Variants in KRT79 observed in about 807,000 individuals in gnomAD.
The protein encoded by KRT79 is keratin 79.
Under a neutral mutation model 49.0 loss-of-function variants are expected in KRT79, and 51 were observed. The ratio of observed to expected loss-of-function variants is 1.04; its 90% CI spans 0.83 to 1.31. KRT79 has a LOEUF of 1.31. Among genes scored for constraint, KRT79 ranks in the 40% most tolerant of loss-of-function variants. The pLI is 0.00. For missense variants in KRT79, 728 were observed against 688.0 expected, an observed-to-expected ratio of 1.06 and a Z score of -0.65; for synonymous variants, 312 against 286.6, an observed-to-expected ratio of 1.09 and a Z score of -0.90.
At chr12:52,832,259 C>A (rs1253895776) in intron 1 of KRT79, among the ~76,000 whole-genome samples, 1 of 152,146 alleles carries the variant, frequency 6.6e-6, no homozygotes, top group East Asian at 1.9e-4. Flanking sequence ...CAGAGCAAGA[C>A]CCTGTCTCAA....
chr12:52,832,442 G>A lies in KRT79; in HGVS notation c.478-816C>T, dbSNP rs554644551. On this transcript the variant is annotated intron_variant, in intron 1 of 8. Coordinates refer to ENST00000330553, the MANE Select transcript of KRT79 (RefSeq NM_175834.3). Reference sequence around the variant, plus strand: ...TCTATAGACTCAGAAGGAGGCTTACGGTGTGGGTTTAACAGGACCCCCGAG... The same window carrying A: ...TCTATAGACTCAGAAGGAGGCTTACAGTGTGGGTTTAACAGGACCCCCGAG... Among the ~76,000 whole-genome samples the A allele has an allele frequency of 3.3e-5, 5 of 151,434 alleles. No homozygotes were observed. The South Asian group carries it at 8.4e-4, about 26-fold the overall frequency.
Position 52,821,629 on chromosome 12 carries a change from AGTC to A in KRT79, c.*240_*242del. ...CTCGGTGGTCAAAAGGTCACCCCCA[AGTC>A]ACCCAAGCACATCACTCAAGCTGGC... is the stretch of plus-strand genomic sequence containing the variant. On this transcript the variant is annotated 3_prime_UTR_variant, in exon 9 of 9. Transcript: ENST00000330553. 8.2e-5 allele frequency: 44 copies of A among 536,486 alleles called. No individual in the cohort carries two copies. Among genetic ancestry groups the A allele is most frequent in the African/African-American group, 9.9e-5 (5 of 50,504 alleles). The allele number at this position is 536,486 out of a possible 1,614,324, so 33.2% of individuals were successfully genotyped here.
rs747060776 is a variant in KRT79, at chr12:52,821,871, G to A, written c.*1C>T. On this transcript the variant is annotated 3_prime_UTR_variant, in exon 9 of 9. Transcript: ENST00000330553. ...GCAGGGGCCCTTGCAGGGCTCAGCA[G>A]CTAATACCTCTGGCTGGACGTCTTG... 1 of 1,613,496 alleles carries A rather than the reference G, an allele frequency of 6.2e-7. No homozygotes were observed. The highest frequency in any genetic ancestry group is 8.5e-7 in the Non-Finnish European group (1 of 1,179,826).
intron 2 of KRT79, 130 bp from the exon 3 acceptor site, chr12:52,830,422 A>T: frequency 2.8e-6 from 2 of 702,984 alleles, no homozygotes; most frequent in Non-Finnish European, 5.0e-6. Context: ...GCAGTTCTTT[A>T]ATGTAGCCAA....
chr12:52,833,860 T>C lies in KRT79; in HGVS notation c.401A>G (p.Glu134Gly), dbSNP rs779390202. The C allele has an allele frequency of 1.2e-5, 20 of 1,613,822 alleles. No individual in the cohort carries two copies. In the Admixed American group the frequency reaches 1.8e-4, roughly 15 times the overall value. ...CTCCTGAGTGCGCACTCGCTGGATC[T>C]CGGGGTCAATCTCCACATGGAGGGG... is the stretch of plus-strand genomic sequence containing the variant. ...LTPLHVEIDP[E>G]IQRVRTQERE... The change falls in exon 1 of 9, where the codon GAG becomes GGG. Residue 134 changes from glutamate to glycine, a missense_variant. Physicochemically the swap from Glu to Gly is moderately conservative, Grantham distance 98. Transcript: ENST00000330553.
chr12:52,827,754 C>T lies in KRT79; in HGVS notation c.855+2269G>A, dbSNP rs141037893. Among the ~76,000 whole-genome samples the T allele has an allele frequency of 5.5e-4, 84 of 152,318 alleles. 2 individuals carry two copies. The highest frequency in any genetic ancestry group is 1.9e-3 in the African/African-American group (77 of 41,566). On this transcript the variant is annotated intron_variant, in intron 4 of 8. Coordinates refer to ENST00000330553, the MANE Select transcript of KRT79 (RefSeq NM_175834.3). Reference sequence around the variant, plus strand: ...TACAGAAGATCCAGGAAAGGCCAATCGCTCAGCTGCTTTGTCATTTGCCTC... The same window carrying T: ...TACAGAAGATCCAGGAAAGGCCAATTGCTCAGCTGCTTTGTCATTTGCCTC...
In KRT79 at chr12:52,821,807, G is replaced by A. The variant is rs1565688621; in HGVS notation, c.*65C>T. 10 of 1,442,738 alleles carry A rather than the reference G, an allele frequency of 6.9e-6. No homozygotes were observed. The Admixed American group carries it at 9.1e-5, about 13-fold the overall frequency. The allele number at this position is 1,442,738 out of a possible 1,614,324, so 89.4% of individuals were successfully genotyped here. A position where few individuals can be genotyped will look rare whatever the true frequency, so the allele number is the denominator to read the frequency against. On this transcript the variant is annotated 3_prime_UTR_variant, in exon 9 of 9. Transcript: ENST00000330553. ...CCTGCTCCTGAGAAGTGACTGGAAA[G>A]GACAGCAGAGGTGGGGTGAGGAGGG...
chr12:52,824,722 G>A (rs903096448), intron 4 of KRT79, among the ~76,000 whole-genome samples: 30 of 152,296 alleles, frequency 2.0e-4, no homozygotes, highest in Middle Eastern at 3.4e-3. Flanking sequence ...CCCATGGCAG[G>A]CTCACAGGGT....
At chr12:52,829,985 A>G (rs771412627) in intron 4 of KRT79, 38 bp downstream of exon 4, 1 of 1,549,106 alleles carries the variant, frequency 6.5e-7, no homozygotes, top group African/African-American at 1.4e-5. Flanking sequence ...TGCTGTTTAT[A>G]GTGTATGCAA....
In KRT79 at chr12:52,823,925, G is replaced by T; in HGVS notation, c.1108C>A (p.Gln370Lys). 1 of 1,613,996 alleles carries T rather than the reference G, an allele frequency of 6.2e-7. No homozygotes were observed. Among genetic ancestry groups the T allele is most frequent in the Non-Finnish European group, 8.5e-7 (1 of 1,179,996 alleles). ...NEIAELTRTI[Q>K]RLQGEADAAK... ...GCATCAGCCTCCCCCTGCAGCCTCT[G>T]GATAGTGCGGGTGAGCTCAGCAATC... Residue 370 changes from glutamine to lysine, a missense_variant, in exon 6 of 9, where the codon CAG becomes AAG. By Grantham distance (53) the Gln-to-Lys change is moderately conservative. Coordinates refer to ENST00000330553, the MANE Select transcript of KRT79 (RefSeq NM_175834.3).
intron 4 of KRT79, 53 bp from the exon 5 acceptor site, chr12:52,824,415 G>A: frequency 6.3e-7 from 1 of 1,579,276 alleles, no homozygotes; most frequent in South Asian, 1.2e-5. Flanking sequence ...GCCCCAGGAA[G>A]CATCAGAGGG....
chr12:52,827,311 C>CTTTTTTTTTTTTTTTTTTTTTTTTTTTT (rs1940190068), intron 4 of KRT79, among the ~76,000 whole-genome samples: 1 of 152,132 alleles, frequency 6.6e-6, no homozygotes, highest in African/African-American at 2.4e-5. Flanking sequence ...AGAGCTGAGA[C>CTTTTTTTTTTTTTTTTTTTTTTTTTTTT]TTTGTCTTTG....
chr12:52,830,152 C>T (rs770349202), intron 3 of KRT79, 34 bp from the exon 4 acceptor site: 3 of 1,612,202 alleles, frequency 1.9e-6, no homozygotes, highest in South Asian at 2.2e-5. Context: ...ATCCTCAGGC[C>T]CCAGGGATGT....
At position 52,821,858 on chromosome 12, in the gene KRT79, G is replaced by T; in HGVS notation, c.*14C>A. 1 of 1,611,516 alleles carries T rather than the reference G, an allele frequency of 6.2e-7. No individual in the cohort carries two copies. Among genetic ancestry groups the T allele is most frequent in the Non-Finnish European group, 8.5e-7 (1 of 1,178,514 alleles). ...CAGGGACAGGATTGCAGGGGCCCTT[G>T]CAGGGCTCAGCAGCTAATACCTCTG... is the stretch of plus-strand genomic sequence containing the variant. On this transcript the variant is annotated 3_prime_UTR_variant, in exon 9 of 9. Coordinates refer to ENST00000330553, the MANE Select transcript of KRT79 (RefSeq NM_175834.3).
chr12:52,829,947 A>G (rs527825274), intron 4 of KRT79, 76 bp downstream of exon 4: 332 of 1,223,928 alleles, frequency 2.7e-4, no homozygotes, highest in Non-Finnish European at 2.7e-4. Context: ...TGGTGAATTC[A>G]GGTCAGACCT....
rs912810938 is a variant in KRT79, at chr12:52,829,772, G to T, written c.855+251C>A. Among the ~76,000 whole-genome samples the T allele has an allele frequency of 6.6e-6, 1 of 152,118 alleles. No individual in the cohort carries two copies. The highest frequency in any genetic ancestry group is 1.5e-5 in the Non-Finnish European group (1 of 68,028). ...AAAAATTAGCTGGGCATGGTGGCAG[G>T]CACCTGTAGTCCCAGCTACTCCAGT... On this transcript the variant is annotated intron_variant, in intron 4 of 8. Transcript: ENST00000330553.
chr12:52,831,340 C>T, intron 2 of KRT79, 66 bp downstream of exon 2: 3 of 1,492,468 alleles, frequency 2.0e-6, no homozygotes, highest in Non-Finnish European at 2.8e-6. Context: ...TGGGGTGGCC[C>T]TCTTGGCAGG....
intron 4 of KRT79, among the ~76,000 whole-genome samples, chr12:52,828,805 T>A (rs1390847782): frequency 6.6e-6 from 1 of 152,198 alleles, no homozygotes; most frequent in East Asian, 1.9e-4. Flanking sequence ...GGAACCTCCC[T>A]CCCCACCCCT....
intron 1 of KRT79, among the ~76,000 whole-genome samples, chr12:52,833,128 A>C (rs981655161): frequency 6.6e-6 from 1 of 152,182 alleles, no homozygotes; most frequent in Non-Finnish European, 1.5e-5. Context: ...GGGCATGCCT[A>C]TGGGCAACAG....
Sources: allele counts gnomAD v4.1 joint callset (sites outside exome capture counted in the v4.1 genomes callset), GRCh38; gene constraint gnomAD v4.1.1; transcripts MANE v1.5; gene names NCBI Gene and HGNC (gene_info 2026-07-23, HGNC 2026-07-21).